The following AP1AR variants were observed in gnomAD, a reference collection of about 807,000 sequenced individuals.
AP1AR encodes the protein adaptor related protein complex 1 associated regulatory protein, also known as AP-1 complex-associated regulatory protein.
A neutral mutation model predicts 46.3 loss-of-function variants in AP1AR; 29 were observed. The ratio of observed to expected loss-of-function variants is 0.63; its 90% CI spans 0.47 to 0.85. The LOEUF is 0.85. Among genes scored for constraint, AP1AR ranks in the 40% least tolerant of loss-of-function variants. AP1AR has a pLI of 0.00. For missense variants in AP1AR, 357 were observed against 356.3 expected, an observed-to-expected ratio of 1.00 and a Z score of -0.02; for synonymous variants, 122 against 122.9, an observed-to-expected ratio of 0.99 and a Z score of 0.05.
In AP1AR at chr4:112,270,183, A is replaced by G. The variant is rs932690572; in HGVS notation, c.*1774A>G. 6.6e-6 allele frequency: 1 copy of G among 152,558 alleles called. No individual in the cohort carries two copies. The highest frequency in any genetic ancestry group is 2.4e-5 in the African/African-American group (1 of 41,462). 9.5% of individuals were successfully genotyped at this position (152,558 alleles called of 1,614,324 possible). ...TTAAGAAAGCAAGATGGAACTAGAA[A>G]ATGTGTTTTAACTGTTAAAAAAAAG... On this transcript the variant is annotated 3_prime_UTR_variant, in exon 10 of 10. Transcript: ENST00000274000.
chr4:112,261,205 G>A (rs1429135067), intron 5 of AP1AR, among the ~76,000 whole-genome samples: 1 of 152,214 alleles, frequency 6.6e-6, no homozygotes, highest in Admixed American at 6.5e-5. Flanking sequence ...GGCCGAGGCA[G>A]ACAGATTGCT....
At chr4:112,238,995 C>A (rs1725368530) in intron 1 of AP1AR, among the ~76,000 whole-genome samples, 1 of 152,164 alleles carries the variant, frequency 6.6e-6, no homozygotes, top group East Asian at 1.9e-4. Context: ...ATATCAAGTT[C>A]TTTCCTGTTA....
At chr4:112,256,404 A>G (rs1726200471) in intron 3 of AP1AR, among the ~76,000 whole-genome samples, 1 of 152,236 alleles carries the variant, frequency 6.6e-6, no homozygotes, top group African/African-American at 2.4e-5. Context: ...CAAGTGTTAA[A>G]AGTAAGCCTT....
chr4:112,256,682 T>C (rs1726212735), intron 3 of AP1AR, among the ~76,000 whole-genome samples: 1 of 152,238 alleles, frequency 6.6e-6, no homozygotes, highest in Non-Finnish European at 1.5e-5. Flanking sequence ...CTTTCAGTTA[T>C]GAATAGTTTA....
At chr4:112,244,989 T>C (rs1048513514) in intron 1 of AP1AR, among the ~76,000 whole-genome samples, 1 of 152,196 alleles carries the variant, frequency 6.6e-6, no homozygotes, top group African/African-American at 2.4e-5. Context: ...TACACTATAA[T>C]TTTATTTAGC....
intron 1 of AP1AR, among the ~76,000 whole-genome samples, chr4:112,248,677 A>G (rs1261583516): frequency 1.3e-5 from 2 of 152,190 alleles, no homozygotes; most frequent in Non-Finnish European, 2.9e-5. Flanking sequence ...AGTGAATGCT[A>G]AAGACAAAAA....
At chr4:112,232,272 G>A (rs1725044847) in intron 1 of AP1AR, 98 bp downstream of exon 1, 3 of 1,057,686 alleles carry the variant, frequency 2.8e-6, no homozygotes, top group Non-Finnish European at 3.7e-6. Context: ...TGGAGGTGGC[G>A]GTCGAGAGCC....
Position 112,268,206 on chromosome 4 carries a change from G to C in AP1AR, c.706G>C (p.Ala236Pro). ...SKTEEDILRA[A>P]LKYSNKKTGS... Reference sequence around the variant, plus strand: ...AACAGAGGAAGACATTCTACGGGCAGCACTTAAGTATAGCAACAAGAAGAC... The same window carrying C: ...AACAGAGGAAGACATTCTACGGGCACCACTTAAGTATAGCAACAAGAAGAC... Residue 236 changes from alanine (A) to proline (P), a missense_variant, in exon 10 of 10, where the codon GCA becomes CCA. This residue lies in a region of AP1AR where 88 missense variants were observed against 132.7 expected (regional missense o/e 0.66). Transcript: ENST00000274000. 1.9e-6 allele frequency: 3 copies of C among 1,610,062 alleles called. No homozygotes were observed. The highest frequency in any genetic ancestry group is 2.5e-6 in the Non-Finnish European group (3 of 1,177,938).
intron 1 of AP1AR, among the ~76,000 whole-genome samples, chr4:112,242,004 C>T (rs1404018614): frequency 1.3e-5 from 2 of 152,062 alleles, no homozygotes; most frequent in African/African-American, 4.8e-5. Flanking sequence ...CAGGGAAAGA[C>T]TTTCTTATTT....
At chr4:112,232,292 T>C in intron 1 of AP1AR, 118 bp downstream of exon 1, 5 of 865,304 alleles carry the variant, frequency 5.8e-6, no homozygotes, top group Non-Finnish European at 7.7e-6. Flanking sequence ...CCTGCTACAC[T>C]CACTGCTTAG....
Position 112,231,915 on chromosome 4 carries a change from G to C in AP1AR, c.-177G>C. ...GGCCGCTGGAGTAAACACTGCCTTT[G>C]TTCCCTAGCGCCTCGTCTTTCGTCG... On this transcript the variant is annotated 5_prime_UTR_variant, in exon 1 of 10. Transcript: ENST00000274000. 1 of 460,870 alleles carries C rather than the reference G, an allele frequency of 2.2e-6. No homozygotes were observed. The highest frequency in any genetic ancestry group is 3.6e-6 in the Non-Finnish European group (1 of 277,456). 28.5% of individuals were successfully genotyped at this position (460,870 alleles called of 1,614,324 possible). A position where few individuals can be genotyped will look rare whatever the true frequency, so the allele number is the denominator to read the frequency against.
rs922767209 is a variant in AP1AR at position 112,272,534 on chromosome 4, A to G, written c.*4125A>G. Among the ~76,000 whole-genome samples, 4 of 152,178 alleles carry G rather than the reference A, an allele frequency of 2.6e-5. No homozygotes were observed. Among genetic ancestry groups the G allele is most frequent in the African/African-American group, 9.7e-5 (4 of 41,434 alleles). On this transcript the variant is annotated 3_prime_UTR_variant, in exon 10 of 10. Transcript: ENST00000274000. ...CAATCACCAAAAGGCCCTTCCAGAT[A>G]CTGGCAAACCACTGCACATACAGGG... is the stretch of plus-strand genomic sequence containing the variant.
At chr4:112,251,297 T>A (rs1472853037) in intron 1 of AP1AR, among the ~76,000 whole-genome samples, 1 of 152,194 alleles carries the variant, frequency 6.6e-6, no homozygotes, top group Non-Finnish European at 1.5e-5. Context: ...TGGCTGTGAA[T>A]AGAGGGGACA....
At chr4:112,262,568 G>A (rs1726499833) in intron 5 of AP1AR, among the ~76,000 whole-genome samples, 1 of 152,198 alleles carries the variant, frequency 6.6e-6, no homozygotes, top group Non-Finnish European at 1.5e-5. Flanking sequence ...TAGATGGCAA[G>A]ACATGAATTT....
chr4:112,253,344 C>A, intron 2 of AP1AR, 88 bp downstream of exon 2: 1 of 940,820 alleles, frequency 1.1e-6, no homozygotes, highest in Non-Finnish European at 1.7e-6. Flanking sequence ...GATCTGGACC[C>A]AAATTTAGAA....
chr4:112,241,540 A>G (rs1021055524), intron 1 of AP1AR, among the ~76,000 whole-genome samples: 2 of 152,156 alleles, frequency 1.3e-5, no homozygotes, highest in African/African-American at 4.8e-5. Flanking sequence ...TCAGGCCCTG[A>G]ATGGATTAAA....
At chr4:112,233,707 G>C (rs1161214079) in intron 1 of AP1AR, among the ~76,000 whole-genome samples, 1 of 152,100 alleles carries the variant, frequency 6.6e-6, no homozygotes, top group Non-Finnish European at 1.5e-5. Flanking sequence ...TTTTTCATGG[G>C]GTCTCCGTAG....
chr4:112,262,631 C>A (rs752400920), intron 5 of AP1AR, among the ~76,000 whole-genome samples: 10 of 152,106 alleles, frequency 6.6e-5, no homozygotes, highest in Non-Finnish European at 4.4e-5. Context: ...CTTAAAGATA[C>A]TGGATTTATG....
chr4:112,232,540 C>T (rs1725060340), intron 1 of AP1AR, among the ~76,000 whole-genome samples: 1 of 152,224 alleles, frequency 6.6e-6, no homozygotes, highest in Non-Finnish European at 1.5e-5. Context: ...AGGTTTAACG[C>T]CAAAGCTAGT....
Sources: gnomAD v4.1 joint callset for allele counts (sites outside exome capture counted in the v4.1 genomes callset) on GRCh38, gnomAD v4.1.1 for gene constraint, gnomAD v4.1.1 regional missense constraint, MANE v1.5 for transcripts, NCBI Gene and HGNC (gene_info 2026-07-23, HGNC 2026-07-21) for gene names.